The following MFAP1 variants were observed in gnomAD, a reference collection of about 807,000 sequenced individuals.
MFAP1 encodes microfibrillar-associated protein 1.
Under a neutral mutation model 62.2 loss-of-function variants are expected in MFAP1, and 18 were observed. The ratio of observed to expected loss-of-function variants is 0.29; its 90% confidence interval spans 0.20 to 0.43. The LOEUF (loss-of-function observed/expected upper bound fraction) is 0.43, where lower values mean the gene tolerates loss of function less well. Among genes scored for constraint, MFAP1 ranks in the 20% least tolerant of loss-of-function variants. The probability of loss-of-function intolerance (pLI) is 1.00; values close to 1 mark genes in which losing one functional copy is unlikely to be tolerated. For synonymous variants in MFAP1, 175 were observed against 180.4 expected, an observed-to-expected ratio of 0.97 and a Z score of 0.24; for missense variants, 355 against 559.7, an observed-to-expected ratio of 0.63 and a Z score of 3.69.
chr15:43,808,671 C>G (rs1230979577), intron 7 of MFAP1, among the ~76,000 whole-genome samples: 2 of 152,262 alleles, frequency 1.3e-5, no homozygotes, highest in African/African-American at 4.8e-5. Flanking sequence ...TGCTGGAAAA[C>G]TACCTAAGTA....
chr15:43,813,228 C>T, intron 5 of MFAP1, 21 bp downstream of exon 5: 1 of 1,614,068 alleles, frequency 6.2e-7, no homozygotes, highest in Non-Finnish European at 8.5e-7. Flanking sequence ...GTACTCATTC[C>T]TTGCAACCAC....
At position 43,809,959 on chromosome 15, in the gene MFAP1, G is replaced by A. The variant is rs760712590; in HGVS notation, c.888-45C>T. 26 of 1,601,196 alleles carry A rather than the reference G, an allele frequency of 1.6e-5. No individual in the cohort carries two copies. In the Admixed American group the frequency reaches 4.4e-4, roughly 27 times the overall value. On this transcript the variant is annotated intron_variant, in intron 6 of 8. Coordinates refer to ENST00000267812, the MANE Select transcript of MFAP1 (RefSeq NM_005926.3). ...ATTTATTGGTACTGTTACAGCTTCA[G>A]AAAGACCAAATTATCTGAAAATAAC...
intron 4 of MFAP1, among the ~76,000 whole-genome samples, 183 bp from the exon 5 acceptor site, chr15:43,813,540 C>G (rs2087416411): frequency 8.0e-6 from 1 of 124,940 alleles, no homozygotes; most frequent in South Asian, 2.8e-4. Flanking sequence ...GAGACGGAGT[C>G]TCACTTGTCG....
At chr15:43,805,693 A>G (rs1300921941) in intron 7 of MFAP1, among the ~76,000 whole-genome samples, 1 of 151,434 alleles carries the variant, frequency 6.6e-6, no homozygotes. Context: ...GCTCACTGCA[A>G]CCTCCGTCTC....
At position 43,824,645 on chromosome 15, in the gene MFAP1, A is replaced by G. The variant is rs2087488162; in HGVS notation, c.-76T>C. On this transcript the variant is annotated 5_prime_UTR_variant, in exon 1 of 9. Transcript: ENST00000267812. ...AACACCAGCAACGTCAACGAAGAGAAGAAATTCCTTCCACCTGAGTCCGCG... is the reference window on the plus strand; with the variant it reads ...AACACCAGCAACGTCAACGAAGAGAGGAAATTCCTTCCACCTGAGTCCGCG... 4.0e-6 allele frequency: 6 copies of G among 1,484,924 alleles called. No individual in the cohort carries two copies. The African/African-American group carries it at 6.9e-5, about 17-fold the overall frequency. The allele number at this position is 1,484,924 out of a possible 1,614,324, so 92.0% of individuals were successfully genotyped here. A position where few individuals can be genotyped will look rare whatever the true frequency, so the allele number is the denominator to read the frequency against.
At position 43,805,098 on chromosome 15, in the gene MFAP1, G is replaced by A. The variant is rs755438078; in HGVS notation, c.1316C>T (p.Thr439Ile). The A allele has an allele frequency of 3.8e-6, 6 of 1,581,252 alleles. No individual in the cohort carries two copies. The highest frequency in any genetic ancestry group is 1.1e-5 in the South Asian group (1 of 89,306). The change falls in exon 9 of 9, where the codon ACC (threonine) becomes ATC (isoleucine). Residue 439 changes from threonine to isoleucine, a missense_variant. Around this residue, in one of 6 missense-constraint regions of MFAP1, gnomAD observed 44 missense variants for 80.8 expected, o/e 0.54. Transcript: ENST00000267812. ...GGAAGAATAAGCAGTTGGACCCTAG[G>A]TAGTTTTCCGCTTCTTGGCAGATGG... ...ERPSAKKRKTT is the reference protein window; with the variant it reads ...ERPSAKKRKTI
intron 2 of MFAP1, 103 bp downstream of exon 2, chr15:43,817,126 A>G (rs2087438518): frequency 8.7e-7 from 1 of 1,153,732 alleles, no homozygotes; most frequent in African/African-American, 1.6e-5. Context: ...TACAAGAATT[A>G]GCAAATGTAA....
At chr15:43,824,155 C>G (rs1047966176) in intron 1 of MFAP1, among the ~76,000 whole-genome samples, 2 of 150,810 alleles carry the variant, frequency 1.3e-5, no homozygotes, top group Non-Finnish European at 2.9e-5. Flanking sequence ...ATATATTAGA[C>G]TAATACATAT....
chr15:43,804,896 T>C lies in MFAP1; in HGVS notation c.*198A>G. 2.0e-6 allele frequency: 1 copy of C among 503,720 alleles called. No homozygotes were observed. The highest frequency in any genetic ancestry group is 4.7e-4 in the Middle Eastern group (1 of 2,116). The allele number at this position is 503,720 out of a possible 1,614,324, so 31.2% of individuals were successfully genotyped here. A position where few individuals can be genotyped will look rare whatever the true frequency, so the allele number is the denominator to read the frequency against. ...GAAGCCTCTAATCCTACCTGGACAG[T>C]GCTTTCCTGTGGGTTTCTCAGCATG... On this transcript the variant is annotated 3_prime_UTR_variant, in exon 9 of 9. Transcript: ENST00000267812.
intron 6 of MFAP1, among the ~76,000 whole-genome samples, chr15:43,810,709 A>C (rs181374000): frequency 1.3e-5 from 2 of 151,540 alleles, no homozygotes; most frequent in East Asian, 3.9e-4. Flanking sequence ...AGAGGGAGTG[A>C]TATCCCTTGT....
At chr15:43,817,509 A>C in intron 1 of MFAP1, 61 bp from the exon 2 acceptor site, 1 of 1,560,072 alleles carries the variant, frequency 6.4e-7, no homozygotes, top group African/African-American at 1.4e-5. Flanking sequence ...TCAACCCATC[A>C]CGGCCTTTGC....
intron 1 of MFAP1, among the ~76,000 whole-genome samples, chr15:43,824,202 T>A (rs1322699096): frequency 6.6e-6 from 1 of 151,278 alleles, no homozygotes; most frequent in East Asian, 1.9e-4. Context: ...TATATTCTGA[T>A]ATATACTTAA....
intron 6 of MFAP1, chr15:43,810,219 TTAA>T: frequency 3.8e-6 from 1 of 266,514 alleles, no homozygotes; most frequent in Non-Finnish European, 7.0e-6. Context: ...CTTCTTAGCT[TTAA>T]AAAAAAAAAA....
chr15:43,816,862 A>G (rs1162220046), intron 2 of MFAP1, among the ~76,000 whole-genome samples: 1 of 152,212 alleles, frequency 6.6e-6, no homozygotes, highest in African/African-American at 2.4e-5. Context: ...GTAGATGTAT[A>G]AAATCAATTT....
chr15:43,814,519 T>C lies in MFAP1; in HGVS notation c.599A>G (p.Lys200Arg). 1 of 1,612,680 alleles carries C rather than the reference T, an allele frequency of 6.2e-7. No homozygotes were observed. The change falls in exon 4 of 9, where the codon AAG (lysine) becomes AGG (arginine). Residue 200 changes from lysine to arginine, a missense_variant. Lys to Arg is a conservative substitution (Grantham distance 26). This residue lies in a region of MFAP1 where 257 missense variants were observed against 341.3 expected (regional missense o/e 0.75). Coordinates refer to ENST00000267812, the MANE Select transcript of MFAP1 (RefSeq NM_005926.3). ...TACTTACTTTCGAATGAAGACTGGCTTAAGGCGAGGCTCCATCTCATCTTC... is the reference window on the plus strand; with the variant it reads ...TACTTACTTTCGAATGAAGACTGGCCTAAGGCGAGGCTCCATCTCATCTTC... ...DSEDEMEPRLKPVFIRKKDRV... is the reference protein window; with the variant it reads ...DSEDEMEPRLRPVFIRKKDRV...
chr15:43,810,559 G>A (rs2087392492), intron 6 of MFAP1, among the ~76,000 whole-genome samples: 1 of 151,988 alleles, frequency 6.6e-6, no homozygotes, highest in South Asian at 2.1e-4. Flanking sequence ...AGTAGAGACG[G>A]GGTTTCACCG....
chr15:43,822,194 CT>C (rs1385105263), intron 1 of MFAP1, among the ~76,000 whole-genome samples: 1 of 107,348 alleles, frequency 9.3e-6, no homozygotes, highest in East Asian at 3.0e-4. Flanking sequence ...GAGTGAAACT[CT>C]TTCTCAAAAA....
At chr15:43,820,148 A>G (rs552887995) in intron 1 of MFAP1, among the ~76,000 whole-genome samples, 16 of 152,180 alleles carry the variant, frequency 1.1e-4, no homozygotes, top group African/African-American at 3.6e-4. Context: ...CTCCGTCTCA[A>G]AAAAACAAAA....
At chr15:43,813,210 T>C in intron 5 of MFAP1, 39 bp downstream of exon 5, 3 of 1,613,968 alleles carry the variant, frequency 1.9e-6, no homozygotes, top group Non-Finnish European at 2.5e-6. Flanking sequence ...CTGATTACAC[T>C]ATTTCTTGTA....
Sources: gnomAD v4.1 joint callset for allele counts (sites outside exome capture counted in the v4.1 genomes callset) on GRCh38, gnomAD v4.1.1 for gene constraint, gnomAD v4.1.1 regional missense constraint, MANE v1.5 for transcripts, NCBI Gene and HGNC (gene_info 2026-07-23, HGNC 2026-07-21) for gene names.